Variants in GRK3 observed in about 807,000 individuals in gnomAD.
GRK3 encodes adrenergic, beta, receptor kinase 2.
A neutral mutation model predicts 95.7 loss-of-function variants in GRK3; 54 were observed. The ratio of observed to expected loss-of-function variants is 0.56; its 90% CI spans 0.45 to 0.71. The LOEUF (loss-of-function observed/expected upper bound fraction) is 0.71. Ranked by LOEUF, GRK3 falls within the 30% of genes least tolerant of loss-of-function variation. The pLI is 0.00. For missense variants in GRK3, 649 were observed against 851.2 expected (o/e 0.76, Z 2.96); for synonymous variants, 281 against 290.8 (o/e 0.97, Z 0.34).
intron 1 of GRK3, 59 bp from the exon 2 acceptor site, chr22:25,604,318 G>C: frequency 1.6e-6 from 2 of 1,243,312 alleles, no homozygotes; most frequent in Non-Finnish European, 2.3e-6. Context: ...TTCCATCCTG[G>C]GGATGGTTAC....
chr22:25,583,110 G>A (rs113026284), intron 1 of GRK3, among the ~76,000 whole-genome samples: 1 of 150,966 alleles, frequency 6.6e-6, no homozygotes, highest in Admixed American at 6.5e-5. Context: ...AGGGAAGAGA[G>A]GGGGTAGGAG....
intron 3 of GRK3, among the ~76,000 whole-genome samples, chr22:25,655,898 T>C (rs908100174): frequency 6.6e-6 from 1 of 152,210 alleles, no homozygotes; most frequent in Non-Finnish European, 1.5e-5. Context: ...AGATGAACAA[T>C]TGCTTTCTAA....
intron 9 of GRK3, among the ~76,000 whole-genome samples, chr22:25,680,238 G>A (rs1157393103): frequency 8.5e-5 from 13 of 152,150 alleles, no homozygotes; most frequent in African/African-American, 2.4e-5. Context: ...CCACTGTATG[G>A]GCATTAAGCA....
intron 1 of GRK3, among the ~76,000 whole-genome samples, chr22:25,570,170 G>A (rs1007849351): frequency 1.3e-5 from 2 of 152,194 alleles, no homozygotes; most frequent in Non-Finnish European, 2.9e-5. Context: ...TGGGACCTGC[G>A]AAAACGGTAA....
In GRK3 at chr22:25,620,004, TTTTGTGTGTGTGTGTGTGTGTGTG is replaced by T. The variant is rs1465108847; in HGVS notation, c.190+15553_190+15576del. Among the ~76,000 whole-genome samples, 15 of 120,548 alleles carry T rather than the reference TTTTGTGTGTGTGTGTGTGTGTGTG, an allele frequency of 1.2e-4. 1 individual carries two copies. The highest frequency in any genetic ancestry group is 3.6e-4 in the African/African-American group (12 of 33,516). The allele number at this position is 120,548 out of a possible 152,430, so 79.1% of individuals were successfully genotyped here. A position where few individuals can be genotyped will look rare whatever the true frequency, so the allele number is the denominator to read the frequency against. ...CTTTACTCTTCCTTTCCTTTGTCTTTTTTGTGTGTGTGTGTGTGTGTGTGTGTGTGTGTGTGTGTGTGTGTGTGT... is the reference window on the plus strand; with the variant it reads ...CTTTACTCTTCCTTTCCTTTGTCTTTTGTGTGTGTGTGTGTGTGTGTGTGT... On this transcript the variant is annotated intron_variant, in intron 2 of 20. Coordinates refer to ENST00000324198, the MANE Select transcript of GRK3 (RefSeq NM_005160.4).
intron 1 of GRK3, among the ~76,000 whole-genome samples, chr22:25,572,064 G>A (rs41258524): frequency 0.013 from 1,914 of 149,314 alleles, 23 homozygotes; most frequent in Middle Eastern, 0.065. Context: ...GTGTCCAAGT[G>A]TTCTCATTGT....
In GRK3 at chr22:25,710,477, CA is replaced by C. The variant is rs1319112226; in HGVS notation, c.1395+514del. Among the ~76,000 whole-genome samples the C allele has an allele frequency of 2.6e-5, 4 of 152,132 alleles. No individual in the cohort carries two copies. The East Asian group carries it at 5.8e-4, about 22-fold the overall frequency. On this transcript the variant is annotated intron_variant, in intron 16 of 20. Transcript: ENST00000324198. ...GATTTCCTTTCCTTATTTTAAGCTT[CA>C]TTATATTTGCGTTGATACAGGAAAC...
rs532630792 is a variant in GRK3, at chr22:25,647,270, C to A, written c.264+2605C>A. 19 of 946,248 alleles carry A rather than the reference C, an allele frequency of 2.0e-5. No individual in the cohort carries two copies. The East Asian group carries it at 7.0e-4, about 35-fold the overall frequency. The allele number at this position is 946,248 out of a possible 1,614,324, so 58.6% of individuals were successfully genotyped here. On this transcript the variant is annotated intron_variant, in intron 3 of 20. Transcript: ENST00000324198. ...AGAGGACAGATTTGATAATGGGCTG[C>A]ATTAAAAGCAAAGAAAACAAAAGTC...
At chr22:25,670,984 G>T (rs947642415) in intron 6 of GRK3, among the ~76,000 whole-genome samples, 8 of 151,504 alleles carry the variant, frequency 5.3e-5, no homozygotes, top group African/African-American at 1.9e-4. Context: ...AACCCGGGAG[G>T]CGGAGTTTGC....
chr22:25,614,995 C>T (rs945424163), intron 2 of GRK3, among the ~76,000 whole-genome samples: 6 of 152,176 alleles, frequency 3.9e-5, no homozygotes, highest in African/African-American at 1.4e-4. Context: ...TCTGACATTC[C>T]AGTACTGAAC....
chr22:25,722,167 T>C, intron 20 of GRK3, 122 bp from the exon 21 acceptor site: 4 of 1,048,016 alleles, frequency 3.8e-6, no homozygotes, highest in South Asian at 3.0e-5. Context: ...CCACTGGGGG[T>C]GGACACGTAG....
chr22:25,617,319 A>G (rs941332498), intron 2 of GRK3, among the ~76,000 whole-genome samples: 2 of 152,206 alleles, frequency 1.3e-5, no homozygotes, highest in African/African-American at 4.8e-5. Flanking sequence ...TGAGTTCCGA[A>G]TTGGTGACAG....
chr22:25,695,237 A>C (rs2085198247), intron 13 of GRK3, 23 bp downstream of exon 13: 2 of 1,545,420 alleles, frequency 1.3e-6, no homozygotes, highest in African/African-American at 1.4e-5. Context: ...GCATCCTTCT[A>C]GTGCTGTCCT....
intron 2 of GRK3, among the ~76,000 whole-genome samples, chr22:25,639,844 G>C (rs1036094870): frequency 6.6e-6 from 1 of 151,982 alleles, no homozygotes; most frequent in African/African-American, 2.4e-5. Context: ...ATTTCTCTCA[G>C]TAACATTTTA....
At chr22:25,611,632 C>T (rs149996325) in intron 2 of GRK3, among the ~76,000 whole-genome samples, 3 of 152,106 alleles carry the variant, frequency 2.0e-5, no homozygotes, top group South Asian at 2.1e-4. Context: ...AAAATGTCTA[C>T]TTAAATCTTT....
chr22:25,650,138 G>GCACCCTGTAATCCCAGTGC (rs1047527157), intron 3 of GRK3, among the ~76,000 whole-genome samples: 5 of 151,782 alleles, frequency 3.3e-5, no homozygotes, highest in Admixed American at 3.3e-4. Flanking sequence ...ATTACAGGTA[G>GCACCCTGTAATCCCAGTGC]CACCCTGTAA....
chr22:25,665,490 A>G (rs1348779473), intron 5 of GRK3, among the ~76,000 whole-genome samples: 1 of 152,216 alleles, frequency 6.6e-6, no homozygotes, highest in Non-Finnish European at 1.5e-5. Flanking sequence ...ATTCTTTCAT[A>G]CCTTCAAAAA....
chr22:25,577,134 C>T (rs1419459946), intron 1 of GRK3, among the ~76,000 whole-genome samples: 1 of 151,954 alleles, frequency 6.6e-6, no homozygotes, highest in Non-Finnish European at 1.5e-5. Flanking sequence ...AATGAGTATC[C>T]TTGACTTGAA....
At chr22:25,579,752 G>T (rs1932035172) in intron 1 of GRK3, among the ~76,000 whole-genome samples, 1 of 152,064 alleles carries the variant, frequency 6.6e-6, no homozygotes, top group Non-Finnish European at 1.5e-5. Flanking sequence ...GATTATAGGA[G>T]TGGGCCACCG....
Sources: allele counts gnomAD v4.1 joint callset (sites outside exome capture counted in the v4.1 genomes callset), GRCh38; gene constraint gnomAD v4.1.1; transcripts MANE v1.5; gene names NCBI Gene and HGNC (gene_info 2026-07-23, HGNC 2026-07-21).